The following SPOCK3 variants were observed in gnomAD, a reference collection of about 807,000 sequenced individuals.
SPOCK3 encodes SPARC (osteonectin), cwcv and kazal like domains proteoglycan 3.
In SPOCK3, 30 loss-of-function variants were observed where a neutral mutation model predicts 56.6. The ratio of observed to expected loss-of-function variants is 0.53; its 90% confidence interval spans 0.40 to 0.72. The LOEUF is 0.72. SPOCK3 is among the 30% of genes least tolerant of loss of function. SPOCK3 has a pLI of 0.00. For synonymous variants in SPOCK3, 196 were observed against 183.3 expected (o/e 1.07, Z -0.56); for missense variants, 527 against 530.0 (o/e 0.99, Z 0.06).
chr4:166,856,812 A>ATATCTAGATATCTATC (rs1730735154), intron 6 of SPOCK3, among the ~76,000 whole-genome samples: 1 of 87,820 alleles, frequency 1.1e-5, no homozygotes, highest in Non-Finnish European at 3.3e-5. Context: ...ATCTATCTAG[A>ATATCTAGATATCTATC]TATCTAGATA....
At chr4:166,916,898 CAT>C (rs1409945351) in intron 4 of SPOCK3, among the ~76,000 whole-genome samples, 1 of 152,104 alleles carries the variant, frequency 6.6e-6, no homozygotes, top group Non-Finnish European at 1.5e-5. Flanking sequence ...ATATTGGCCA[CAT>C]GTTATGATTT....
At chr4:166,922,084 C>T (rs866172004) in intron 4 of SPOCK3, among the ~76,000 whole-genome samples, 3 of 152,030 alleles carry the variant, frequency 2.0e-5, no homozygotes, top group South Asian at 2.1e-4. Context: ...TTGTGAACGG[C>T]GGACACGAGG....
intron 2 of SPOCK3, among the ~76,000 whole-genome samples, chr4:167,137,206 A>G (rs1399370356): frequency 1.3e-5 from 2 of 152,078 alleles, no homozygotes; most frequent in Non-Finnish European, 2.9e-5. Flanking sequence ...CCTCTGAAAT[A>G]TCTTGAGGCG....
chr4:167,142,076 T>C (rs557391640), intron 2 of SPOCK3, among the ~76,000 whole-genome samples: 15 of 152,136 alleles, frequency 9.9e-5, no homozygotes, highest in African/African-American at 3.6e-4. Context: ...ATCTAGAATA[T>C]ACTTTATTGA....
intron 6 of SPOCK3, among the ~76,000 whole-genome samples, chr4:166,873,632 T>C (rs1166591671): frequency 6.6e-6 from 1 of 152,182 alleles, no homozygotes; most frequent in African/African-American, 2.4e-5. Context: ...GAGATATATA[T>C]TGGACTTTGA....
chr4:167,218,594 G>T (rs1735591856), intron 2 of SPOCK3, among the ~76,000 whole-genome samples: 2 of 151,934 alleles, frequency 1.3e-5, no homozygotes, highest in South Asian at 4.1e-4. Flanking sequence ...CTTGGTTCAT[G>T]GTATACATTT....
chr4:166,908,719 A>G (rs1736904233), intron 5 of SPOCK3, among the ~76,000 whole-genome samples: 1 of 152,070 alleles, frequency 6.6e-6, no homozygotes, highest in South Asian at 2.1e-4. Context: ...CTAAAAGGTT[A>G]ATATTATTTA....
chr4:167,164,405 G>T (rs1377684387), intron 2 of SPOCK3, among the ~76,000 whole-genome samples: 4 of 151,968 alleles, frequency 2.6e-5, no homozygotes, highest in Non-Finnish European at 5.9e-5. Context: ...GAGATTATAT[G>T]GGATTTATTA....
chr4:167,032,716 TATC>T (rs1172238677), intron 3 of SPOCK3, among the ~76,000 whole-genome samples: 4 of 151,898 alleles, frequency 2.6e-5, no homozygotes, highest in Admixed American at 2.0e-4. Context: ...TTTTATTAAT[TATC>T]ATAGAAAAAA....
chr4:166,843,094 C>T (rs1747646727), intron 6 of SPOCK3, among the ~76,000 whole-genome samples: 1 of 152,198 alleles, frequency 6.6e-6, no homozygotes, highest in Non-Finnish European at 1.5e-5. Flanking sequence ...TGCCTAGGAC[C>T]TGCCAGCCGC....
chr4:166,999,617 T>A (rs2150126348), intron 4 of SPOCK3, among the ~76,000 whole-genome samples: 1 of 152,268 alleles, frequency 6.6e-6, no homozygotes, highest in Non-Finnish European at 1.5e-5. Flanking sequence ...AAAATAACTT[T>A]AAAAATGATA....
chr4:166,950,440 C>T (rs1222781990), intron 4 of SPOCK3, among the ~76,000 whole-genome samples: 12 of 151,712 alleles, frequency 7.9e-5, no homozygotes, highest in Admixed American at 5.9e-4. Flanking sequence ...TAAAGCAAGT[C>T]CTGAGTGACC....
chr4:167,196,795 A>C (rs1376508157), intron 2 of SPOCK3, among the ~76,000 whole-genome samples: 1 of 152,134 alleles, frequency 6.6e-6, no homozygotes, highest in Non-Finnish European at 1.5e-5. Context: ...CACAGTTGTC[A>C]GATGGTCCTC....
intron 2 of SPOCK3, among the ~76,000 whole-genome samples, chr4:167,088,701 G>C (rs1364190712): frequency 1.3e-5 from 2 of 151,944 alleles, no homozygotes; most frequent in African/African-American, 4.8e-5. Flanking sequence ...TTGACTTCGT[G>C]ATCGGCCCTC....
chr4:166,882,701 T>C (rs1733800725), intron 6 of SPOCK3: 1 of 152,190 alleles, frequency 6.6e-6, no homozygotes, highest in Non-Finnish European at 1.5e-5. Flanking sequence ...TAAAATTTAG[T>C]CCAACATCAG....
At chr4:166,980,462 T>C (rs1310885513) in intron 4 of SPOCK3, among the ~76,000 whole-genome samples, 2 of 152,234 alleles carry the variant, frequency 1.3e-5, no homozygotes, top group South Asian at 4.1e-4. Context: ...GCTGGTGGTA[T>C]CAGCCTTTGC....
intron 3 of SPOCK3, among the ~76,000 whole-genome samples, chr4:167,037,953 C>T (rs565663123): frequency 1.3e-5 from 2 of 152,168 alleles, no homozygotes; most frequent in East Asian, 1.9e-4. Context: ...TAACGACAAA[C>T]CAGTCACAGA....
chr4:167,135,881 T>A (rs1763080860), intron 2 of SPOCK3, among the ~76,000 whole-genome samples: 1 of 152,152 alleles, frequency 6.6e-6, no homozygotes, highest in African/African-American at 2.4e-5. Context: ...ATTTGATCTG[T>A]TAATGAGCTA....
intron 4 of SPOCK3, among the ~76,000 whole-genome samples, chr4:166,954,495 A>G (rs1215794141): frequency 6.6e-6 from 1 of 152,054 alleles, no homozygotes; most frequent in African/African-American, 2.4e-5. Flanking sequence ...TTGAGAGATG[A>G]GCATCTAATT....
Sources: allele counts gnomAD v4.1 joint callset (sites outside exome capture counted in the v4.1 genomes callset), GRCh38; gene constraint gnomAD v4.1.1; transcripts MANE v1.5; gene names NCBI Gene and HGNC (gene_info 2026-07-23, HGNC 2026-07-21).